CNTN4: variants seen among roughly 807,000 people sequenced by gnomAD.
The protein encoded by CNTN4 is contactin-4.
CNTN4 carries 77 observed loss-of-function variants against 122.5 expected under a neutral mutation model. The ratio of observed to expected loss-of-function variants is 0.63; its 90% CI spans 0.52 to 0.76. The LOEUF (loss-of-function observed/expected upper bound fraction) is 0.76, where lower values mean the gene tolerates loss of function less well. Among genes scored for constraint, CNTN4 ranks in the 30% least tolerant of loss-of-function variants. The probability of loss-of-function intolerance (pLI) is 0.00; values close to 1 mark genes in which losing one functional copy is unlikely to be tolerated. For missense variants in CNTN4, 1,256 were observed against 1,259.1 expected, an observed-to-expected ratio of 1.00 and a Z score of 0.04; for synonymous variants, 512 against 447.0, an observed-to-expected ratio of 1.15 and a Z score of -1.83.
At chr3:2,853,494 C>T (rs1383601860) in intron 7 of CNTN4, among the ~76,000 whole-genome samples, 1 of 152,298 alleles carries the variant, frequency 6.6e-6, no homozygotes, top group South Asian at 2.1e-4. Context: ...CTGCCCACCT[C>T]AGCCTCCCAA....
rs949355153 is a variant in CNTN4 at position 2,661,868 on chromosome 3, A to G, written c.56-74347A>G. On this transcript the variant is annotated intron_variant, in intron 4 of 24. Coordinates refer to ENST00000418658, the MANE Select transcript of CNTN4 (RefSeq NM_175607.3). Reference sequence around the variant, plus strand: ...ATCCTGATGATGTTCATTATCATATAGAAATTTTAAGAATACCCGTAATAA... The same window carrying G: ...ATCCTGATGATGTTCATTATCATATGGAAATTTTAAGAATACCCGTAATAA... Among the ~76,000 whole-genome samples, 3 of 151,982 alleles carry G rather than the reference A, an allele frequency of 2.0e-5. No individual in the cohort carries two copies. The South Asian group carries it at 6.2e-4, about 31-fold the overall frequency.
intron 3 of CNTN4, among the ~76,000 whole-genome samples, chr3:2,470,937 C>G (rs1406136775): frequency 1.3e-5 from 2 of 152,144 alleles, no homozygotes; most frequent in Admixed American, 1.3e-4. Flanking sequence ...ACAGCCTTTA[C>G]CCTTAAGATG....
intron 3 of CNTN4, among the ~76,000 whole-genome samples, chr3:2,452,714 C>G (rs1183922104): frequency 6.6e-6 from 1 of 152,046 alleles, no homozygotes; most frequent in East Asian, 1.9e-4. Context: ...TGGAAAAAGA[C>G]AGGGACCAGA....
intron 13 of CNTN4, among the ~76,000 whole-genome samples, chr3:2,936,342 T>A (rs1274929531): frequency 6.6e-6 from 1 of 152,188 alleles, no homozygotes; most frequent in Non-Finnish European, 1.5e-5. Context: ...AGATGTGTTT[T>A]AGAAAGCAGA....
chr3:2,864,266 T>A (rs147078922), intron 7 of CNTN4, among the ~76,000 whole-genome samples: 1 of 152,294 alleles, frequency 6.6e-6, no homozygotes, highest in Non-Finnish European at 1.5e-5. Context: ...AACGCAGATT[T>A]GAACTTTAGT....
intron 2 of CNTN4, among the ~76,000 whole-genome samples, chr3:2,169,492 C>T (rs987025782): frequency 2.2e-4 from 34 of 151,784 alleles, no homozygotes; most frequent in Middle Eastern, 6.8e-3. Context: ...CTGCAAGCTC[C>T]GCCTCCCGGG....
intron 3 of CNTN4, among the ~76,000 whole-genome samples, chr3:2,544,160 G>T (rs140362188): frequency 1.3e-5 from 2 of 152,154 alleles, no homozygotes; most frequent in Middle Eastern, 3.4e-3. Flanking sequence ...CAGACCCCAC[G>T]TGCCAATATT....
chr3:2,434,692 G>C (rs2048196914), intron 3 of CNTN4, among the ~76,000 whole-genome samples: 1 of 152,144 alleles, frequency 6.6e-6, no homozygotes. Flanking sequence ...TATATTGGAG[G>C]TGTGAGTAGC....
At chr3:2,447,463 A>G (rs112599667) in intron 3 of CNTN4, among the ~76,000 whole-genome samples, 10 of 152,266 alleles carry the variant, frequency 6.6e-5, no homozygotes, top group African/African-American at 2.4e-4. Context: ...AACTTCTAAC[A>G]TTTAAATATG....
chr3:2,821,587 A>G (rs1186868990), intron 7 of CNTN4, among the ~76,000 whole-genome samples: 4 of 152,190 alleles, frequency 2.6e-5, no homozygotes, highest in East Asian at 3.8e-4. Flanking sequence ...TATGCCCTGG[A>G]AAATATCATA....
chr3:2,769,377 A>G lies in CNTN4; in HGVS notation c.358+23680A>G, dbSNP rs78079822. Among the ~76,000 whole-genome samples, 349 of 151,650 alleles carry G rather than the reference A, an allele frequency of 2.3e-3. 1 individual carries two copies. The highest frequency in any genetic ancestry group is 8.3e-3 in the African/African-American group (343 of 41,350). On this transcript the variant is annotated intron_variant, in intron 6 of 24. Transcript: ENST00000418658. ...CTATCCTGGTGGCTGAGGCAGAAGA[A>G]TCACTTGAACCCGGGAGGCAGAGGT...
At chr3:2,878,551 C>CTGTGTGTG (rs1256548850) in intron 8 of CNTN4, among the ~76,000 whole-genome samples, 7 of 64,940 alleles carry the variant, frequency 1.1e-4, no homozygotes, top group African/African-American at 3.8e-4. Context: ...AAGAGATGCT[C>CTGTGTGTG]TCTGTGTGTG....
At chr3:2,849,744 C>G (rs2093515536) in intron 7 of CNTN4, among the ~76,000 whole-genome samples, 1 of 152,198 alleles carries the variant, frequency 6.6e-6, no homozygotes, top group Non-Finnish European at 1.5e-5. Context: ...AGCCAGAATT[C>G]ACAAACTCTG....
intron 6 of CNTN4, among the ~76,000 whole-genome samples, chr3:2,782,362 A>C (rs2091629671): frequency 6.6e-6 from 1 of 151,896 alleles, no homozygotes; most frequent in African/African-American, 2.4e-5. Flanking sequence ...GAACCCTTTC[A>C]GTCTGCCTTC....
At chr3:2,551,187 G>T (rs766756177) in intron 3 of CNTN4, among the ~76,000 whole-genome samples, 1 of 152,058 alleles carries the variant, frequency 6.6e-6, no homozygotes. Flanking sequence ...GTACAGGTTT[G>T]CATTAATTCC....
At chr3:2,749,491 T>A (rs894513328) in intron 6 of CNTN4, among the ~76,000 whole-genome samples, 8 of 152,180 alleles carry the variant, frequency 5.3e-5, no homozygotes, top group African/African-American at 1.9e-4. Context: ...CAATCTAGAA[T>A]GATTGTGTAT....
At chr3:2,140,129 T>C (rs1388905848) in intron 2 of CNTN4, among the ~76,000 whole-genome samples, 4 of 152,212 alleles carry the variant, frequency 2.6e-5, no homozygotes. Flanking sequence ...CCTTCCACCA[T>C]GCTTGTGAGG....
intron 2 of CNTN4, among the ~76,000 whole-genome samples, chr3:2,275,082 G>A (rs577377752): frequency 6.6e-6 from 1 of 152,312 alleles, no homozygotes; most frequent in South Asian, 2.1e-4. Context: ...ATTAAGGTAA[G>A]AGTAAGAGAG....
chr3:2,817,247 A>G (rs1297403267), intron 6 of CNTN4, among the ~76,000 whole-genome samples: 2 of 152,228 alleles, frequency 1.3e-5, no homozygotes, highest in Admixed American at 6.5e-5. Context: ...ATGACTACAT[A>G]CTTGAAACAA....
Sources: allele counts gnomAD v4.1 joint callset (sites outside exome capture counted in the v4.1 genomes callset), GRCh38; gene constraint gnomAD v4.1.1; transcripts MANE v1.5; gene names NCBI Gene and HGNC (gene_info 2026-07-23, HGNC 2026-07-21).